Variants in NEDD9 observed in about 807,000 individuals in gnomAD.
The protein encoded by NEDD9 is neural precursor cell expressed, developmentally down-regulated 9, also known as enhancer of filamentation 1.
Under a neutral mutation model 76.6 loss-of-function variants are expected in NEDD9, and 26 were observed. The ratio of observed to expected loss-of-function variants is 0.34; its 90% CI spans 0.25 to 0.47. The LOEUF (loss-of-function observed/expected upper bound fraction) is 0.47, where lower values mean the gene tolerates loss of function less well. NEDD9 is among the 20% of genes least tolerant of loss of function. The pLI is 1.00. For synonymous variants in NEDD9, 392 were observed against 414.2 expected (o/e 0.95, Z 0.65); for missense variants, 937 against 1,058.5 (o/e 0.89, Z 1.59).
Position 11,188,232 on chromosome 6 carries a change from G to A in NEDD9, c.1981C>T (p.Leu661=), listed in dbSNP as rs1561777827. Residue 661 remains leucine, a synonymous_variant, in exon 6 of 7, where the codon CTG becomes TTG. Coordinates refer to ENST00000379446, the MANE Select transcript of NEDD9 (RefSeq NM_006403.4). ...ATTGAACTTACCTGATGATGTTCCA[G>A]CTGCATCTTGTTCTGTTTCATGATA... is the stretch of plus-strand genomic sequence containing the variant. ...ENIMKQNKMQ[L]EHHQLSQFQL... 6.2e-7 allele frequency: 1 copy of A among 1,614,024 alleles called. No individual in the cohort carries two copies. Among genetic ancestry groups the A allele is most frequent in the Admixed American group, 1.7e-5 (1 of 60,030 alleles).
intron 5 of NEDD9, 40 bp downstream of exon 5, chr6:11,189,924 G>C (rs373438067): frequency 2.1e-4 from 311 of 1,502,138 alleles, no homozygotes; most frequent in Non-Finnish European, 2.5e-4. Context: ...CTCCCTGCAT[G>C]TGAGTGAGTG....
intron 1 of NEDD9, among the ~76,000 whole-genome samples, chr6:11,219,860 ATATCTGT>A (rs1171928662): frequency 3.9e-5 from 6 of 152,300 alleles, no homozygotes; most frequent in African/African-American, 1.4e-4. Context: ...GAAAACATGG[ATATCTGT>A]AAGTGTCAGG....
chr6:11,342,222 C>T (rs1035615451), intron 1 of NEDD9, among the ~76,000 whole-genome samples: 10 of 151,722 alleles, frequency 6.6e-5, no homozygotes, highest in African/African-American at 1.9e-4. Flanking sequence ...GTCTAACTTA[C>T]GTCTATTTGG....
chr6:11,365,319 CT>C (rs932684921), intron 1 of NEDD9, among the ~76,000 whole-genome samples: 12 of 152,198 alleles, frequency 7.9e-5, no homozygotes, highest in African/African-American at 2.7e-4. Context: ...TGCTGACCGC[CT>C]GCCTATAATA....
chr6:11,192,542 G>A lies in NEDD9; in HGVS notation c.562-96C>T, dbSNP rs769176548. On this transcript the variant is annotated intron_variant, in intron 3 of 6. Coordinates refer to ENST00000379446, the MANE Select transcript of NEDD9 (RefSeq NM_006403.4). ...ACTTAATTATGGATTTATTTACCAG[G>A]TTATGTACAAGCTTGATCTTTGGCA... is the stretch of plus-strand genomic sequence containing the variant. The A allele has an allele frequency of 1.5e-5, 12 of 820,112 alleles. No homozygotes were observed. The Admixed American group carries it at 2.6e-4, about 18-fold the overall frequency. The allele number at this position is 820,112 out of a possible 1,614,324, so 50.8% of individuals were successfully genotyped here. A position where few individuals can be genotyped will look rare whatever the true frequency, so the allele number is the denominator to read the frequency against.
At chr6:11,232,360 C>T in intron 1 of NEDD9, 144 bp downstream of exon 1, 1 of 976,114 alleles carries the variant, frequency 1.0e-6, no homozygotes, top group South Asian at 1.5e-5. Flanking sequence ...TGTCTGCTTG[C>T]ATGTCAACCT....
At chr6:11,302,080 GT>G (rs1337600608) in intron 3 of NEDD9, among the ~76,000 whole-genome samples, 5 of 151,982 alleles carry the variant, frequency 3.3e-5, no homozygotes. Flanking sequence ...TCCAGGAGCT[GT>G]TTTTTTAAAA....
intron 2 of NEDD9, among the ~76,000 whole-genome samples, chr6:11,321,572 C>T (rs560399102): frequency 2.1e-4 from 32 of 152,164 alleles, no homozygotes; most frequent in Non-Finnish European, 4.3e-4. Flanking sequence ...CTCAGTCATT[C>T]CTTTCCCTTC....
chr6:11,250,157 A>T (rs974919809), intron 3 of NEDD9, among the ~76,000 whole-genome samples: 45 of 152,318 alleles, frequency 3.0e-4, no homozygotes, highest in African/African-American at 8.9e-4. Flanking sequence ...AGACGTTGAG[A>T]CTAGAGGAGG....
chr6:11,287,643 C>T (rs9461619), intron 3 of NEDD9, among the ~76,000 whole-genome samples: 11,073 of 152,166 alleles, frequency 0.073, 1,109 homozygotes, highest in African/African-American at 0.23. Flanking sequence ...TTCTCCTCTA[C>T]GTACTTTTCC....
At chr6:11,265,605 AAGGCAATTCTTTTGG>A (rs1485325957) in intron 3 of NEDD9, among the ~76,000 whole-genome samples, 2 of 152,206 alleles carry the variant, frequency 1.3e-5, no homozygotes, top group African/African-American at 2.4e-5. Context: ...TACAGAAGAA[AAGGCAATTCTTTTGG>A]AGGCAATTCT....
Position 11,193,651 on chromosome 6 carries a change from C to T in NEDD9, c.501G>A (p.Glu167=). 1 of 1,614,002 alleles carries T rather than the reference C, an allele frequency of 6.2e-7. No individual in the cohort carries two copies. Among genetic ancestry groups the T allele is most frequent in the Non-Finnish European group, 8.5e-7 (1 of 1,179,906 alleles). Reference sequence around the variant, plus strand: ...CGTCCTTTTGGTATCTGGATGGGTACTCGTATACGTAGCCATGGCCTGTCC... The same window carrying T: ...CGTCCTTTTGGTATCTGGATGGGTATTCGTATACGTAGCCATGGCCTGTCC... ...PVRTGHGYVY[E]YPSRYQKDVY... Residue 167 remains glutamate (E), a synonymous_variant, in exon 3 of 7, where the codon GAG becomes GAA. Transcript: ENST00000379446.
chr6:11,205,960 T>C (rs1758598524), intron 2 of NEDD9, among the ~76,000 whole-genome samples: 1 of 152,182 alleles, frequency 6.6e-6, no homozygotes, highest in South Asian at 2.1e-4. Flanking sequence ...CACATTGTCC[T>C]ATGTGAGTGG....
rs779369553 is a variant in NEDD9 at position 11,213,565 on chromosome 6, G to T, written c.175C>A (p.Arg59=). The T allele has an allele frequency of 6.2e-7, 1 of 1,614,150 alleles. No individual in the cohort carries two copies. The highest frequency in any genetic ancestry group is 8.5e-7 in the Non-Finnish European group (1 of 1,180,022). Residue 59 remains arginine, a synonymous_variant, in exon 2 of 7, where the codon CGG becomes AGG. Coordinates refer to ENST00000379446, the MANE Select transcript of NEDD9 (RefSeq NM_006403.4). This position sits in a 1 kb window ranked among gnomAD's most constrained non-coding sequence, Gnocchi z 5.4. ...ATGGGACCAATCAGAAGCTTCACCC[G>T]GTTGCCTGGGACAATGCCTTGCCGA... ...HGRQGIVPGN[R]VKLLIGPMQE...
chr6:11,368,149 G>A (rs1339433095), intron 1 of NEDD9, among the ~76,000 whole-genome samples: 2 of 152,144 alleles, frequency 1.3e-5, no homozygotes, highest in South Asian at 2.1e-4. Context: ...CTTGCCCTTG[G>A]GCCCTGATGG....
At chr6:11,186,810 G>A (rs1187823352) in intron 6 of NEDD9, among the ~76,000 whole-genome samples, 1 of 152,152 alleles carries the variant, frequency 6.6e-6, no homozygotes, top group Middle Eastern at 3.2e-3. Context: ...GTGAGACGGG[G>A]TTTCATTGTG....
intron 2 of NEDD9, among the ~76,000 whole-genome samples, chr6:11,327,208 A>C (rs1761947156): frequency 6.6e-6 from 1 of 152,176 alleles, no homozygotes; most frequent in Non-Finnish European, 1.5e-5. Context: ...GAAAGAGACA[A>C]TCGGACTACA....
At chr6:11,304,328 A>C (rs934202128) in intron 3 of NEDD9, among the ~76,000 whole-genome samples, 2 of 152,240 alleles carry the variant, frequency 1.3e-5, no homozygotes, top group Non-Finnish European at 2.9e-5. Context: ...GAGGATGTGG[A>C]GAAATAGGAA....
chr6:11,297,917 T>TC lies in NEDD9; in HGVS notation c.12+8074_12+8075insG, dbSNP rs560375919. Among the ~76,000 whole-genome samples the TC allele has an allele frequency of 1.2e-3, 175 of 151,226 alleles. 3 individuals are homozygous for TC. The highest frequency in any genetic ancestry group is 4.0e-3 in the African/African-American group (166 of 41,194). ...CCGTATTTTTTTTTCTTTTCTTTTTTTTTTTTTGGAGACAGAGTCTCGCTT... is the reference window on the plus strand; with the variant it reads ...CCGTATTTTTTTTTCTTTTCTTTTTTCTTTTTTTGGAGACAGAGTCTCGCTT... On this transcript the variant is annotated intron_variant, in intron 3 of 3. Coordinates refer to the NEDD9 transcript ENST00000397378.
Sources: allele counts gnomAD v4.1 joint callset (sites outside exome capture counted in the v4.1 genomes callset), GRCh38; gene constraint gnomAD v4.1.1; non-coding constraint Gnocchi (gnomAD v3.1); transcripts MANE v1.5; gene names NCBI Gene and HGNC (gene_info 2026-07-23, HGNC 2026-07-21).